LDLRAD3: variants seen among roughly 807,000 people sequenced by gnomAD.
The protein encoded by LDLRAD3 is low density lipoprotein receptor class A domain containing 3, also known as low-density lipoprotein receptor class A domain-containing protein 3.
A neutral mutation model predicts 29.4 loss-of-function variants in LDLRAD3; 20 were observed. The ratio of observed to expected loss-of-function variants is 0.68; its 90% confidence interval spans 0.48 to 0.99. The LOEUF (loss-of-function observed/expected upper bound fraction) is 0.99, where lower values mean the gene tolerates loss of function less well. LDLRAD3 is among the 50% of genes least tolerant of loss of function. The pLI is 0.00. For synonymous variants in LDLRAD3, 157 were observed against 192.7 expected, an observed-to-expected ratio of 0.81 and a Z score of 1.53; for missense variants, 420 against 454.3, an observed-to-expected ratio of 0.92 and a Z score of 0.69.
chr11:36,195,645 C>T (rs1855021701), intron 4 of LDLRAD3, among the ~76,000 whole-genome samples: 1 of 152,172 alleles, frequency 6.6e-6, no homozygotes, highest in Admixed American at 6.5e-5. Flanking sequence ...GCAAAACAGC[C>T]CTTCGATGCA....
chr11:35,957,364 C>T (rs943726289), intron 1 of LDLRAD3, among the ~76,000 whole-genome samples: 1 of 152,212 alleles, frequency 6.6e-6, no homozygotes, highest in African/African-American at 2.4e-5. Context: ...TCATCTGACC[C>T]ACCCAAGCCA....
chr11:36,110,803 T>C (rs1470724090), intron 4 of LDLRAD3, among the ~76,000 whole-genome samples: 1 of 152,172 alleles, frequency 6.6e-6, no homozygotes, highest in Non-Finnish European at 1.5e-5. Context: ...AATGCTGTAA[T>C]AGAGGAATGA....
intron 1 of LDLRAD3, among the ~76,000 whole-genome samples, chr11:35,981,605 G>A (rs59418632): frequency 0.031 from 4,644 of 152,184 alleles, 265 homozygotes; most frequent in African/African-American, 0.11. Flanking sequence ...CATTTAGATG[G>A]TCCTGATGCT....
At chr11:36,058,779 C>T (rs904548) in intron 2 of LDLRAD3, among the ~76,000 whole-genome samples, 14,306 of 152,212 alleles carry the variant, frequency 0.094, 903 homozygotes, top group Admixed American at 0.15. Context: ...ATTGGGGTTG[C>T]AGCTGGTGTA....
chr11:36,210,263 C>T (rs1855265717), intron 4 of LDLRAD3, among the ~76,000 whole-genome samples: 1 of 152,136 alleles, frequency 6.6e-6, no homozygotes, highest in Admixed American at 6.5e-5. Flanking sequence ...ATCTTTGTAT[C>T]ACATCAGACG....
intron 1 of LDLRAD3, among the ~76,000 whole-genome samples, chr11:35,978,131 T>A (rs1851497242): frequency 1.3e-5 from 2 of 152,150 alleles, no homozygotes; most frequent in African/African-American, 2.4e-5. Context: ...TCTTACTGAT[T>A]GACAATGGCT....
chr11:36,093,774 T>A (rs1853318761), intron 3 of LDLRAD3, among the ~76,000 whole-genome samples: 1 of 152,138 alleles, frequency 6.6e-6, no homozygotes, highest in South Asian at 2.1e-4. Context: ...TAGAGAAGAA[T>A]TTTATTGAGT....
chr11:35,975,793 C>G (rs1851467647), intron 1 of LDLRAD3, among the ~76,000 whole-genome samples: 1 of 150,908 alleles, frequency 6.6e-6, no homozygotes, highest in African/African-American at 2.4e-5. Flanking sequence ...ATGGGCTGAG[C>G]CAGAGAGCTG....
Position 35,944,318 on chromosome 11 carries a change from C to A in LDLRAD3, c.46+174C>A, listed in dbSNP as rs554651391. 4.6e-5 allele frequency among the ~76,000 whole-genome samples: 7 copies of A among 151,646 alleles called. No homozygotes were observed. The highest frequency in any genetic ancestry group is 1.7e-4 in the African/African-American group (7 of 41,474). On this transcript the variant is annotated intron_variant, in intron 1 of 5. Transcript: ENST00000315571. This position sits in a 1 kb window ranked among gnomAD's most constrained non-coding sequence, Gnocchi z 4.9. ...GGCCCGGACCCTGCCGAGGGGCCGC[C>A]GCGGGGTGCGAGCCGTCCTATTGTG...
intron 1 of LDLRAD3, among the ~76,000 whole-genome samples, chr11:35,948,469 T>TGTGTGC (rs1391225281): frequency 6.8e-6 from 1 of 147,442 alleles, no homozygotes; most frequent in African/African-American, 2.5e-5. Context: ...TGTGTGTGTG[T>TGTGTGC]GCACATGCAC....
At chr11:36,128,902 CA>C (rs1853884356) in intron 4 of LDLRAD3, among the ~76,000 whole-genome samples, 1 of 151,008 alleles carries the variant, frequency 6.6e-6, no homozygotes, top group South Asian at 2.1e-4. Flanking sequence ...ATCGGTGGAA[CA>C]GTGATGGGCA....
intron 3 of LDLRAD3, among the ~76,000 whole-genome samples, chr11:36,082,858 G>A (rs535659468): frequency 5.3e-5 from 8 of 152,188 alleles, no homozygotes; most frequent in Non-Finnish European, 7.4e-5. Context: ...GGCCCAGCTC[G>A]CCCATCAGGT....
At chr11:36,106,913 C>A (rs1285729693) in intron 4 of LDLRAD3, among the ~76,000 whole-genome samples, 2 of 152,190 alleles carry the variant, frequency 1.3e-5, no homozygotes, top group African/African-American at 4.8e-5. Context: ...AGCATGAGAC[C>A]AGCATGGCCT....
At chr11:36,225,451 C>T (rs903234993) in intron 4 of LDLRAD3, among the ~76,000 whole-genome samples, 2 of 152,138 alleles carry the variant, frequency 1.3e-5, no homozygotes, top group African/African-American at 4.8e-5. Flanking sequence ...TGAAGTATGG[C>T]TCCTTAGCAT....
chr11:36,212,083 T>G (rs1322645766), intron 4 of LDLRAD3, among the ~76,000 whole-genome samples: 1 of 152,194 alleles, frequency 6.6e-6, no homozygotes, highest in Non-Finnish European at 1.5e-5. Context: ...TTTAGAGCCT[T>G]CCTTATTCAG....
intron 1 of LDLRAD3, among the ~76,000 whole-genome samples, chr11:35,987,952 T>C (rs957356313): frequency 2.3e-4 from 35 of 152,378 alleles, no homozygotes; most frequent in African/African-American, 7.9e-4. Context: ...TTTTTAATAA[T>C]AGTCATTCTG....
intron 1 of LDLRAD3, among the ~76,000 whole-genome samples, chr11:35,963,300 G>T (rs1245857405): frequency 6.6e-6 from 1 of 151,854 alleles, no homozygotes; most frequent in African/African-American, 2.4e-5. Flanking sequence ...CTTAGGAAAT[G>T]ATCTTCAGGC....
chr11:35,991,930 C>T (rs1362574372), intron 1 of LDLRAD3, among the ~76,000 whole-genome samples: 3 of 148,400 alleles, frequency 2.0e-5, no homozygotes, highest in Admixed American at 6.7e-5. Flanking sequence ...GAGTTTTGGC[C>T]TCTGGCTGTA....
intron 4 of LDLRAD3, among the ~76,000 whole-genome samples, chr11:36,199,500 A>T (rs898774152): frequency 6.6e-6 from 1 of 152,156 alleles, no homozygotes; most frequent in Admixed American, 6.5e-5. Context: ...CTGTGGTACG[A>T]TCGAAGACAT....
Sources: allele counts gnomAD v4.1 joint callset (sites outside exome capture counted in the v4.1 genomes callset), GRCh38; gene constraint gnomAD v4.1.1; non-coding constraint Gnocchi (gnomAD v3.1); transcripts MANE v1.5; gene names NCBI Gene and HGNC (gene_info 2026-07-23, HGNC 2026-07-21).